Variants in USP35 observed in about 807,000 individuals in gnomAD.
The protein encoded by USP35 is ubiquitin carboxyl-terminal hydrolase 35.
USP35 carries 69 observed loss-of-function variants against 83.8 expected under a neutral mutation model. The ratio of observed to expected loss-of-function variants is 0.82; its 90% CI spans 0.68 to 1.01. The LOEUF is 1.01. Ranked by LOEUF, USP35 falls within the 50% of genes least tolerant of loss-of-function variation. USP35 has a pLI of 0.00. For synonymous variants in USP35, 714 were observed against 589.5 expected, an observed-to-expected ratio of 1.21 and a Z score of -3.06; for missense variants, 1,503 against 1,362.5, an observed-to-expected ratio of 1.10 and a Z score of -1.62.
the USP35 span, chr11:78,226,403 C>T: frequency 7.6e-7 from 1 of 1,315,974 alleles, no homozygotes; most frequent in Non-Finnish European, 1.1e-6. Flanking sequence ...GACCATCAAA[C>T]TATTGAGAAC....
the USP35 span, among the ~76,000 whole-genome samples, chr11:78,230,686 T>C: frequency 1.3e-5 from 2 of 152,242 alleles, no homozygotes; most frequent in African/African-American, 4.8e-5. Flanking sequence ...AGACTGATTA[T>C]CACCTCAGTA....
At chr11:78,227,867 T>A in the USP35 span, among the ~76,000 whole-genome samples, 4 of 152,218 alleles carry the variant, frequency 2.6e-5, no homozygotes, top group Non-Finnish European at 5.9e-5. Flanking sequence ...ATTTATTTTC[T>A]ACCATGATTT....
At chr11:78,224,475 AC>A in the USP35 span, among the ~76,000 whole-genome samples, 3 of 152,178 alleles carry the variant, frequency 2.0e-5, no homozygotes, top group African/African-American at 7.2e-5. Context: ...CTAGGGGACC[AC>A]CAAGCTGCAG....
At chr11:78,198,261 G>C (rs980187700) in intron 3 of USP35, among the ~76,000 whole-genome samples, 193 bp downstream of exon 3, 1 of 152,246 alleles carries the variant, frequency 6.6e-6, no homozygotes, top group African/African-American at 2.4e-5. Context: ...GGGGGACACA[G>C]AGAGCCTGCC....
At chr11:78,212,223 C>T (rs1863811269) in intron 10 of USP35, among the ~76,000 whole-genome samples, 1 of 152,100 alleles carries the variant, frequency 6.6e-6, no homozygotes, top group Non-Finnish European at 1.5e-5. Context: ...TTGTTTTTGT[C>T]AGGTTTGTTG....
In USP35 at chr11:78,210,482, C is replaced by G; in HGVS notation, c.2627C>G (p.Ala876Gly). 1 of 1,614,234 alleles carries G rather than the reference C, an allele frequency of 6.2e-7. No homozygotes were observed. Among genetic ancestry groups the G allele is most frequent in the East Asian group, 2.2e-5 (1 of 44,890 alleles). The change falls in exon 10 of 11, where the codon GCT becomes GGT. Residue 876 changes from alanine to glycine, a missense_variant. Ala to Gly is a moderately conservative substitution (Grantham distance 60). Transcript: ENST00000529308. ...YAREGAARPAASLGTADRPEP... is the reference protein window; with the variant it reads ...YAREGAARPAGSLGTADRPEP... Reference sequence around the variant, plus strand: ...CGTGAGGGCGCTGCCCGCCCTGCCGCTTCTCTGGGAACTGCCGATAGGCCA... The same window carrying G: ...CGTGAGGGCGCTGCCCGCCCTGCCGGTTCTCTGGGAACTGCCGATAGGCCA...
At chr11:78,216,670 C>G (rs535784008), downstream of USP35, 1 of 152,174 alleles carries the variant, frequency 6.6e-6, no homozygotes, top group Non-Finnish European at 1.5e-5. Context: ...ACACCTCAGT[C>G]GCTCTCCGAA....
rs1863135524 is a variant in USP35 at position 78,196,137 on chromosome 11, T to G, written c.-10-99T>G. Reference sequence around the variant, plus strand: ...ATGAGAAAACTGAGGCCCAGAAAGTTTGAGTTGCTTGCCCTAAGTCTCAGC... The same window carrying G: ...ATGAGAAAACTGAGGCCCAGAAAGTGTGAGTTGCTTGCCCTAAGTCTCAGC... On this transcript the variant is annotated intron_variant, in intron 1 of 10. Transcript: ENST00000529308. The surrounding 1 kb of genome is among the most constrained non-coding windows in gnomAD (Gnocchi z 4.8). The G allele has an allele frequency of 6.9e-7, 1 of 1,440,662 alleles. No homozygotes were observed. The allele number at this position is 1,440,662 out of a possible 1,614,324, so 89.2% of individuals were successfully genotyped here.
downstream of USP35, chr11:78,217,692 G>C (rs1176762727): frequency 6.6e-6 from 1 of 152,190 alleles, no homozygotes; most frequent in Non-Finnish European, 1.5e-5. Context: ...AGGAACCTTG[G>C]GTGATGCCCT....
the USP35 span, among the ~76,000 whole-genome samples, chr11:78,220,697 G>T: frequency 6.6e-6 from 1 of 152,176 alleles, no homozygotes; most frequent in Admixed American, 6.5e-5. Flanking sequence ...GACTTTGCCT[G>T]TGGCTGCACA....
chr11:78,231,795 G>A, the USP35 span: 1 of 152,148 alleles, frequency 6.6e-6, no homozygotes, highest in Non-Finnish European at 1.5e-5. Flanking sequence ...GAACCCTAAT[G>A]ATGAAGGACT....
chr11:78,214,921 G>C lies in USP35; in HGVS notation c.*1108G>C, dbSNP rs189253904. On this transcript the variant is annotated 3_prime_UTR_variant, in exon 11 of 11. Coordinates refer to ENST00000529308, the MANE Select transcript of USP35 (RefSeq NM_020798.4). ...TACTGAGGGCTGGGTGATGCTGCCCGTGGAGAGGATGCACCTGGGAGGCAG... is the reference window on the plus strand; with the variant it reads ...TACTGAGGGCTGGGTGATGCTGCCCCTGGAGAGGATGCACCTGGGAGGCAG... 6.6e-6 allele frequency among the ~76,000 whole-genome samples: 1 copy of C among 152,080 alleles called. No homozygotes were observed. Among genetic ancestry groups the C allele is most frequent in the African/African-American group, 2.4e-5 (1 of 41,406 alleles).
chr11:78,203,887 C>CTTTTTTTTTT lies in USP35; in HGVS notation c.1198-1951_1198-1950insTTTTTTTTTT, dbSNP rs200697593. 4.0e-5 allele frequency among the ~76,000 whole-genome samples: 5 copies of CTTTTTTTTTT among 124,412 alleles called. 1 individual carries two copies. Among genetic ancestry groups the CTTTTTTTTTT allele is most frequent in the South Asian group, 5.2e-4 (2 of 3,834 alleles). The allele number at this position is 124,412 out of a possible 152,430, so 81.6% of individuals were successfully genotyped here. A position where few individuals can be genotyped will look rare whatever the true frequency, so the allele number is the denominator to read the frequency against. On this transcript the variant is annotated intron_variant, in intron 6 of 10. Coordinates refer to ENST00000529308, the MANE Select transcript of USP35 (RefSeq NM_020798.4). ...GCCACTGTACCCAGCCCATATTTTTCTTTTCTTTTTTTTTTTTTTTTGAGA... is the reference window on the plus strand; with the variant it reads ...GCCACTGTACCCAGCCCATATTTTTCTTTTTTTTTTTTTTCTTTTTTTTTTTTTTTTGAGA...
In USP35 at chr11:78,203,929, C is replaced by T. The variant is rs1206691739; in HGVS notation, c.1198-1913C>T. On this transcript the variant is annotated intron_variant, in intron 6 of 10. Coordinates refer to ENST00000529308, the MANE Select transcript of USP35 (RefSeq NM_020798.4). ...TTTTTGAGACGGAGTCTCGCTCTGT[C>T]GTCCAGGCTGGAGTGCAGTGGCGGG... is the stretch of plus-strand genomic sequence containing the variant. Among the ~76,000 whole-genome samples, 67 of 114,802 alleles carry T rather than the reference C, an allele frequency of 5.8e-4. No individual in the cohort carries two copies. In the South Asian group the frequency reaches 0.011, roughly 19 times the overall value. 75.3% of individuals were successfully genotyped at this position (114,802 alleles called of 152,430 possible). A position where few individuals can be genotyped will look rare whatever the true frequency, so the allele number is the denominator to read the frequency against.
Position 78,209,630 on chromosome 11 carries a change from C to T in USP35, c.1775C>T (p.Ala592Val). ...CCLNVSSREE[A>V]FTDLSLAFPP... ...CTCAACGTCTCCTCCCGGGAGGAGG[C>T]CTTCACGGACCTCTCTCTCGCCTTC... is the stretch of plus-strand genomic sequence containing the variant. The change falls in exon 10 of 11, where the codon GCC becomes GTC. Residue 592 changes from alanine (A) to valine (V), a missense_variant. By Grantham distance (64) the Ala-to-Val change is moderately conservative (BLOSUM62 0). Coordinates refer to ENST00000529308, the MANE Select transcript of USP35 (RefSeq NM_020798.4). 1.2e-6 allele frequency: 2 copies of T among 1,614,116 alleles called. No homozygotes were observed. The highest frequency in any genetic ancestry group is 1.7e-6 in the Non-Finnish European group (2 of 1,179,998).
chr11:78,210,163 T>C lies in USP35; in HGVS notation c.2308T>C (p.Ser770Pro), dbSNP rs779194330. The part of the protein sequence containing the change: ...SVLDLVNYFL[S>P]PEKLTAENRY... ...CCTGGACCTGGTTAACTACTTCCTG[T>C]CCCCCGAGAAGCTGACAGCAGAAAA... Residue 770 changes from serine to proline, a missense_variant, in exon 10 of 11, where the codon TCC becomes CCC. Transcript: ENST00000529308. 1 of 1,613,476 alleles carries C rather than the reference T, an allele frequency of 6.2e-7. No homozygotes were observed. The highest frequency in any genetic ancestry group is 8.5e-7 in the Non-Finnish European group (1 of 1,179,748).
the USP35 span, chr11:78,221,888 G>A: frequency 1.4e-6 from 1 of 730,358 alleles, no homozygotes. Context: ...AGCCATTAGA[G>A]CTGCACACTC....
chr11:78,213,094 G>A (rs73509307), intron 10 of USP35, among the ~76,000 whole-genome samples: 4,728 of 152,266 alleles, frequency 0.031, 213 homozygotes, highest in African/African-American at 0.11. Flanking sequence ...ACACCAGACC[G>A]GGTGTCACCA....
the USP35 span, among the ~76,000 whole-genome samples, chr11:78,234,317 A>C: frequency 6.6e-6 from 1 of 152,062 alleles, no homozygotes; most frequent in South Asian, 2.1e-4. Flanking sequence ...TCCTGAGCTC[A>C]AGCAATCTGC....
Sources: gnomAD v4.1 joint callset for allele counts (sites outside exome capture counted in the v4.1 genomes callset) on GRCh38, gnomAD v4.1.1 for gene constraint, Gnocchi (gnomAD v3.1) non-coding constraint, MANE v1.5 for transcripts, NCBI Gene and HGNC (gene_info 2026-07-23, HGNC 2026-07-21) for gene names.